MYO16: variants seen among roughly 807,000 people sequenced by gnomAD.
MYO16 encodes the protein myosin XVI, also known as unconventional myosin-XVI.
Under a neutral mutation model 205.3 loss-of-function variants are expected in MYO16, and 94 were observed. That is an observed-to-expected ratio of 0.46 (90% CI 0.39 to 0.54). The LOEUF is 0.54. Ranked by LOEUF, MYO16 falls within the 20% of genes least tolerant of loss-of-function variation. MYO16 has a pLI of 0.00. For missense variants in MYO16, 2,315 were observed against 2,387.5 expected (o/e 0.97, Z 0.63); for synonymous variants, 988 against 954.0 (o/e 1.04, Z -0.66).
chr13:108,497,542 T>C, the MYO16 span, among the ~76,000 whole-genome samples: 3 of 152,188 alleles, frequency 2.0e-5, no homozygotes, highest in Non-Finnish European at 4.4e-5. Context: ...ACCCAGAGTG[T>C]GATATTTATT....
intron 16 of MYO16, among the ~76,000 whole-genome samples, chr13:108,955,969 G>A (rs986044984): frequency 4.6e-5 from 7 of 151,994 alleles, no homozygotes; most frequent in Non-Finnish European, 7.4e-5. Flanking sequence ...TAATTCCAGC[G>A]TCTCATTTTG....
chr13:108,497,237 C>A, the MYO16 span, among the ~76,000 whole-genome samples: 2 of 152,204 alleles, frequency 1.3e-5, no homozygotes, highest in African/African-American at 4.8e-5. Context: ...TATTGCATAG[C>A]TACCAGATTA....
chr13:109,012,255 C>T (rs1363871877), intron 22 of MYO16, among the ~76,000 whole-genome samples: 1 of 152,128 alleles, frequency 6.6e-6, no homozygotes, highest in Non-Finnish European at 1.5e-5. Flanking sequence ...CAGTACTGGT[C>T]CACGGCCTGT....
the MYO16 span, among the ~76,000 whole-genome samples, chr13:108,586,943 C>T: frequency 1.3e-5 from 2 of 152,204 alleles, no homozygotes; most frequent in Non-Finnish European, 2.9e-5. Flanking sequence ...CAGGAGTTTT[C>T]TTTGTTACCA....
chr13:108,697,064 G>C (rs1318146684), intron 2 of MYO16, among the ~76,000 whole-genome samples: 4 of 151,354 alleles, frequency 2.6e-5, no homozygotes. Context: ...GGCAAACTTT[G>C]CTCCTGTGAA....
intron 31 of MYO16, among the ~76,000 whole-genome samples, chr13:109,128,769 T>G (rs1876387755): frequency 1.0e-5 from 1 of 96,384 alleles, no homozygotes; most frequent in African/African-American, 4.9e-5. Flanking sequence ...ACTTTTTTAG[T>G]TTTTTTTTTT....
At chr13:108,692,846 G>C (rs932561707) in intron 2 of MYO16, among the ~76,000 whole-genome samples, 23 of 152,136 alleles carry the variant, frequency 1.5e-4, no homozygotes, top group African/African-American at 4.8e-4. Flanking sequence ...AGTAGAGACC[G>C]TTAAAAGCTG....
intron 2 of MYO16, among the ~76,000 whole-genome samples, chr13:108,694,907 G>A (rs1201624913): frequency 1.3e-5 from 2 of 152,128 alleles, no homozygotes; most frequent in African/African-American, 4.8e-5. Context: ...GAGGTCGGGA[G>A]TTCGAGACCA....
At chr13:109,154,330 C>T (rs1366836362) in intron 32 of MYO16, among the ~76,000 whole-genome samples, 2 of 152,128 alleles carry the variant, frequency 1.3e-5, no homozygotes, top group East Asian at 1.9e-4. Flanking sequence ...GTGGCCTGGC[C>T]CGGGCCTGCC....
intron 4 of MYO16, among the ~76,000 whole-genome samples, chr13:108,750,964 G>T (rs1369983082): frequency 6.6e-6 from 1 of 152,158 alleles, no homozygotes. Flanking sequence ...ATGGATTAGA[G>T]TTGACAATAT....
chr13:109,114,477 C>A (rs1351841793), intron 28 of MYO16, among the ~76,000 whole-genome samples: 1 of 152,188 alleles, frequency 6.6e-6, no homozygotes, highest in African/African-American at 2.4e-5. Context: ...TACGTCCTCT[C>A]TAAAACATAC....
At chr13:108,867,462 A>G (rs1594355566) in intron 12 of MYO16, among the ~76,000 whole-genome samples, 1 of 152,150 alleles carries the variant, frequency 6.6e-6, no homozygotes, top group East Asian at 1.9e-4. Flanking sequence ...CATTCCTCCC[A>G]ATCCTATGCC....
intron 7 of MYO16, among the ~76,000 whole-genome samples, chr13:108,817,776 C>T (rs1875711065): frequency 6.6e-6 from 1 of 152,094 alleles, no homozygotes; most frequent in Non-Finnish European, 1.5e-5. Flanking sequence ...CTCCTCTTGC[C>T]TAGGAAAAAA....
At chr13:108,502,888 G>T in the MYO16 span, among the ~76,000 whole-genome samples, 1 of 152,058 alleles carries the variant, frequency 6.6e-6, no homozygotes. Context: ...TCATTTCAGA[G>T]ATTTAAATCT....
chr13:109,090,948 C>A (rs535888154), intron 27 of MYO16, among the ~76,000 whole-genome samples: 3 of 152,200 alleles, frequency 2.0e-5, no homozygotes, highest in Non-Finnish European at 4.4e-5. Flanking sequence ...TTTCTTCATA[C>A]TTCTCTCTGT....
intron 12 of MYO16, among the ~76,000 whole-genome samples, chr13:108,879,082 C>T (rs1330524425): frequency 6.6e-6 from 1 of 152,136 alleles, no homozygotes; most frequent in East Asian, 1.9e-4. Flanking sequence ...GTACTCAGCT[C>T]CAGAACATTA....
chr13:109,176,747 A>G (rs1369933533), intron 33 of MYO16, among the ~76,000 whole-genome samples: 1 of 151,200 alleles, frequency 6.6e-6, no homozygotes, highest in Admixed American at 6.6e-5. Context: ...TCTCGGGCCC[A>G]GTCGCTTGTC....
chr13:108,550,678 T>A, the MYO16 span, among the ~76,000 whole-genome samples: 1 of 152,192 alleles, frequency 6.6e-6, no homozygotes, highest in Non-Finnish European at 1.5e-5. Flanking sequence ...AGAAAAGTAA[T>A]GATTATCATT....
intron 9 of MYO16, among the ~76,000 whole-genome samples, chr13:108,834,433 G>C (rs958162766): frequency 1.3e-5 from 2 of 152,070 alleles, no homozygotes; most frequent in African/African-American, 4.8e-5. Context: ...ACATCTCAAA[G>C]GGGCAGAGAA....
Sources: gnomAD v4.1 joint callset for allele counts (sites outside exome capture counted in the v4.1 genomes callset) on GRCh38, gnomAD v4.1.1 for gene constraint, MANE v1.5 for transcripts, NCBI Gene and HGNC (gene_info 2026-07-23, HGNC 2026-07-21) for gene names.